SOCS4: variants seen among roughly 807,000 people sequenced by gnomAD.
SOCS4 encodes SH2 domain containing SOCS box protein.
Under a neutral mutation model 34.1 loss-of-function variants are expected in SOCS4, and 20 were observed. That is an observed-to-expected ratio of 0.59 (90% confidence interval 0.41 to 0.85). The LOEUF (loss-of-function observed/expected upper bound fraction) is 0.85. Ranked by LOEUF, SOCS4 falls within the 40% of genes least tolerant of loss-of-function variation. The pLI is 0.00. For synonymous variants in SOCS4, 180 were observed against 186.4 expected (o/e 0.97, Z 0.28); for missense variants, 479 against 532.4 (o/e 0.90, Z 0.99).
rs1594610405 is a variant in SOCS4 at position 55,034,780 on chromosome 14, A to G, written c.-91+2789A>G. Among the ~76,000 whole-genome samples, 4 of 151,100 alleles carry G rather than the reference A, an allele frequency of 2.6e-5. No homozygotes were observed. The East Asian group carries it at 7.9e-4, about 30-fold the overall frequency. ...GCACCCAGGCAGCAGAGGTTGCGCC[A>G]CTGCACTCCAGCCTGGGCGACAGAG... On this transcript the variant is annotated intron_variant, in intron 2 of 2. Coordinates refer to ENST00000555846, the MANE Select transcript of SOCS4 (RefSeq NM_199421.2).
chr14:55,041,695 G>A (rs2042619474), intron 2 of SOCS4, among the ~76,000 whole-genome samples: 2 of 149,452 alleles, frequency 1.3e-5, no homozygotes, highest in Admixed American at 6.7e-5. Flanking sequence ...GGCTGGTCTC[G>A]AACTCCTGAC....
Position 55,047,834 on chromosome 14 carries a change from C to A in SOCS4, c.*3470C>A, listed in dbSNP as rs1165190337. The A allele has an allele frequency of 3.0e-5, 5 of 167,094 alleles. No individual in the cohort carries two copies. 10.4% of individuals were successfully genotyped at this position (167,094 alleles called of 1,614,324 possible). A position where few individuals can be genotyped will look rare whatever the true frequency, so the allele number is the denominator to read the frequency against. ...AGCCAAAGCCATTAAGAAGATAAAT[C>A]CAGTTATCAGCTTCCTGTCTCTGAA... On this transcript the variant is annotated 3_prime_UTR_variant, in exon 3 of 3. Transcript: ENST00000555846.
In SOCS4 at chr14:55,043,777, A is replaced by G. The variant is rs1190597008; in HGVS notation, c.736A>G (p.Lys246Glu). The change falls in exon 3 of 3, where the codon AAA becomes GAA. Residue 246 changes from lysine (K) to glutamate (E), a missense_variant. Physicochemically the swap from Lys to Glu is moderately conservative, Grantham distance 56 (BLOSUM62 1). Transcript: ENST00000555846. ...TTGCACAAGTTCCAGAAAAAGAAAC[A>G]AACCCAAATGGGATTTGGATGATGA... ...TLCTSSRKRN[K>E]PKWDLDDEIL... 5 of 1,614,036 alleles carry G rather than the reference A, an allele frequency of 3.1e-6. No homozygotes were observed. The highest frequency in any genetic ancestry group is 4.2e-6 in the Non-Finnish European group (5 of 1,180,034).
rs1179632530 is a variant in SOCS4 at position 55,047,770 on chromosome 14, T to G, written c.*3406T>G. On this transcript the variant is annotated 3_prime_UTR_variant, in exon 3 of 3. Transcript: ENST00000555846. ...ATCGGTATACAAATTCCATTTCTTT[T>G]TATAAGAAAAACACATAAACCATTA... 1 of 167,096 alleles carries G rather than the reference T, an allele frequency of 6.0e-6. No individual in the cohort carries two copies. The highest frequency in any genetic ancestry group is 1.5e-5 in the Non-Finnish European group (1 of 68,130). The allele number at this position is 167,096 out of a possible 1,614,324, so 10.4% of individuals were successfully genotyped here.
Position 55,045,765 on chromosome 14 carries a change from C to G in SOCS4, c.*1401C>G, listed in dbSNP as rs943235220. 2.4e-5 allele frequency: 4 copies of G among 166,880 alleles called. No homozygotes were observed. Among genetic ancestry groups the G allele is most frequent in the African/African-American group, 9.7e-5 (4 of 41,422 alleles). The allele number at this position is 166,880 out of a possible 1,614,324, so 10.3% of individuals were successfully genotyped here. ...CTGTCTAACCCTTTGTACACATTGA[C>G]ATTTTTAATATCGTAACTGATTTCT... On this transcript the variant is annotated 3_prime_UTR_variant, in exon 3 of 3. Transcript: ENST00000555846.
chr14:55,045,107 T>A lies in SOCS4; in HGVS notation c.*743T>A, dbSNP rs889246008. On this transcript the variant is annotated 3_prime_UTR_variant, in exon 3 of 3. Coordinates refer to ENST00000555846, the MANE Select transcript of SOCS4 (RefSeq NM_199421.2). ...TTTGTCATTCCTGAATAGGTCTTTC[T>A]CTCAACCTGCAAGAGCTAAACCATC... The A allele has an allele frequency of 6.0e-6, 1 of 167,024 alleles. No individual in the cohort carries two copies. The highest frequency in any genetic ancestry group is 1.5e-5 in the Non-Finnish European group (1 of 68,064). 10.3% of individuals were successfully genotyped at this position (167,024 alleles called of 1,614,324 possible).
At chr14:55,039,569 G>C (rs1480021901) in intron 2 of SOCS4, among the ~76,000 whole-genome samples, 1 of 152,228 alleles carries the variant, frequency 6.6e-6, no homozygotes, top group Admixed American at 6.5e-5. Flanking sequence ...AATTGAAGTA[G>C]GGCCTTGGTA....
intron 2 of SOCS4, among the ~76,000 whole-genome samples, chr14:55,040,553 G>T (rs539050375): frequency 1.3e-5 from 2 of 152,132 alleles, no homozygotes; most frequent in African/African-American, 4.8e-5. Context: ...GACCATCCTG[G>T]CTAACACAGT....
At chr14:55,031,528 C>G (rs1270108844) in intron 1 of SOCS4, among the ~76,000 whole-genome samples, 1 of 151,958 alleles carries the variant, frequency 6.6e-6, no homozygotes, top group Admixed American at 6.6e-5. Flanking sequence ...CTTTTTTTCT[C>G]CAGAATATGT....
intron 1 of SOCS4, among the ~76,000 whole-genome samples, chr14:55,028,221 C>T (rs779886940): frequency 1.3e-5 from 2 of 151,982 alleles, no homozygotes; most frequent in Admixed American, 6.5e-5. Context: ...GTGTTCTTAC[C>T]GTGGGTGGCA....
Position 55,048,151 on chromosome 14 carries a change from C to T in SOCS4, c.*3787C>T, listed in dbSNP as rs1036110404. 1 of 166,500 alleles carries T rather than the reference C, an allele frequency of 6.0e-6. No homozygotes were observed. Among genetic ancestry groups the T allele is most frequent in the Admixed American group, 6.5e-5 (1 of 15,290 alleles). 10.3% of individuals were successfully genotyped at this position (166,500 alleles called of 1,614,324 possible). On this transcript the variant is annotated 3_prime_UTR_variant, in exon 3 of 3. Transcript: ENST00000555846. ...GGCCAGGCTGGTCTCGAACTCCTGACCTCAGGTGACCACCCGCCTCAGCCT... is the reference window on the plus strand; with the variant it reads ...GGCCAGGCTGGTCTCGAACTCCTGATCTCAGGTGACCACCCGCCTCAGCCT...
intron 2 of SOCS4, among the ~76,000 whole-genome samples, chr14:55,041,881 T>C (rs1227957066): frequency 7.4e-6 from 1 of 135,184 alleles, no homozygotes; most frequent in African/African-American, 2.8e-5. Flanking sequence ...AACCTCCACC[T>C]CCTGGGTTCA....
Position 55,048,972 on chromosome 14 carries a change from TTTC to T in SOCS4, c.*4611_*4613del, listed in dbSNP as rs1245082457. 6.0e-6 allele frequency: 1 copy of T among 167,004 alleles called. No individual in the cohort carries two copies. Among genetic ancestry groups the T allele is most frequent in the African/African-American group, 2.4e-5 (1 of 41,468 alleles). The allele number at this position is 167,004 out of a possible 1,614,324, so 10.3% of individuals were successfully genotyped here. On this transcript the variant is annotated 3_prime_UTR_variant, in exon 3 of 3. Coordinates refer to ENST00000555846, the MANE Select transcript of SOCS4 (RefSeq NM_199421.2). ...TCACTTCTCTTAGACTGTAAAAGAC[TTTC>T]TTGACTTGTTTTAACAGTAGAGATA...
chr14:55,029,131 G>A (rs1023963333), intron 1 of SOCS4, among the ~76,000 whole-genome samples: 8 of 152,144 alleles, frequency 5.3e-5, no homozygotes, highest in Non-Finnish European at 8.8e-5. Context: ...GCTACAAATT[G>A]TAATACCTTC....
chr14:55,027,854 T>C (rs1352575558), intron 1 of SOCS4: 2 of 152,238 alleles, frequency 1.3e-5, no homozygotes, highest in South Asian at 2.1e-4. Context: ...AGATCCCACC[T>C]AAAGTTTACT....
Position 55,044,308 on chromosome 14 carries a change from CATT to C in SOCS4, c.1270_1272del (p.Tyr424del). 3.1e-6 allele frequency: 5 copies of C among 1,613,120 alleles called. No homozygotes were observed. Among genetic ancestry groups the C allele is most frequent in the South Asian group, 1.1e-5 (1 of 91,028 alleles). On this transcript the variant is annotated inframe_deletion, in exon 3 of 3. Transcript: ENST00000555846. ...TATGAAATTATATCTGAAGGAATATCATTATAAATCAAAAGTTAGAGTACTCAG... is the reference window on the plus strand; with the variant it reads ...TATGAAATTATATCTGAAGGAATATCATAAATCAAAAGTTAGAGTACTCAG...
chr14:55,045,611 CAG>C lies in SOCS4; in HGVS notation c.*1248_*1249del, dbSNP rs753281095. ...TATTTTAAATTTACTATCCCAGAAA[CAG>C]GGCAACGTTTTTAGAAACATCTTTA... is the stretch of plus-strand genomic sequence containing the variant. On this transcript the variant is annotated 3_prime_UTR_variant, in exon 3 of 3. Coordinates refer to ENST00000555846, the MANE Select transcript of SOCS4 (RefSeq NM_199421.2). 2.5e-4 allele frequency: 42 copies of C among 166,906 alleles called. No homozygotes were observed. The highest frequency in any genetic ancestry group is 4.3e-4 in the Non-Finnish European group (29 of 67,982). 10.3% of individuals were successfully genotyped at this position (166,906 alleles called of 1,614,324 possible).
intron 1 of SOCS4, among the ~76,000 whole-genome samples, chr14:55,030,793 G>A (rs1333134522): frequency 6.6e-6 from 1 of 152,100 alleles, no homozygotes; most frequent in Non-Finnish European, 1.5e-5. Flanking sequence ...CTGAATTGTA[G>A]CCCACATTTG....
chr14:55,043,220 T>C lies in SOCS4; in HGVS notation c.179T>C (p.Val60Ala), dbSNP rs1348086704. 1 of 1,614,228 alleles carries C rather than the reference T, an allele frequency of 6.2e-7. No homozygotes were observed. The highest frequency in any genetic ancestry group is 8.5e-7 in the Non-Finnish European group (1 of 1,180,044). Residue 60 changes from valine (V) to alanine (A), a missense_variant, in exon 3 of 3, where the codon GTG (valine) becomes GCG (alanine). Physicochemically the swap from Val to Ala is moderately conservative, Grantham distance 64. Transcript: ENST00000555846. The stretch of plus-strand genomic sequence containing the variant: ...GTGAATGGTATAGAGAAAACCGAAG[T>C]GTCTTTAAGGAACCAAGAAAGGAAG... ...ETVNGIEKTE[V>A]SLRNQERKHS...
Sources: allele counts gnomAD v4.1 joint callset (sites outside exome capture counted in the v4.1 genomes callset), GRCh38; gene constraint gnomAD v4.1.1; transcripts MANE v1.5; gene names NCBI Gene and HGNC (gene_info 2026-07-23, HGNC 2026-07-21).